Variants in WWC1 observed in about 807,000 individuals in gnomAD.
The protein encoded by WWC1 is WW and C2 domain containing 1, also known as protein KIBRA.
WWC1 carries 55 observed loss-of-function variants against 138.4 expected under a neutral mutation model. The ratio of observed to expected loss-of-function variants is 0.40; its 90% CI spans 0.32 to 0.50. The LOEUF is 0.50. WWC1 is among the 20% of genes least tolerant of loss of function. The pLI, the probability that WWC1 is intolerant of heterozygous loss-of-function variation, is 0.72. For synonymous variants in WWC1, 524 were observed against 564.9 expected (o/e 0.93, Z 1.03); for missense variants, 1,226 against 1,420.4 (o/e 0.86, Z 2.20).
chr5:168,313,272 C>G (rs1476195843), intron 1 of WWC1, among the ~76,000 whole-genome samples: 1 of 152,090 alleles, frequency 6.6e-6, no homozygotes, highest in East Asian at 1.9e-4. Context: ...ACCAGCACGT[C>G]AGCATTGCCT....
At chr5:168,422,921 G>A (rs946134904) in intron 10 of WWC1, among the ~76,000 whole-genome samples, 7 of 152,000 alleles carry the variant, frequency 4.6e-5, no homozygotes, top group African/African-American at 9.7e-5. Context: ...CGACGCAGGC[G>A]GATTGCCTGA....
intron 3 of WWC1, among the ~76,000 whole-genome samples, chr5:168,397,405 A>G (rs1778982779): frequency 2.0e-5 from 3 of 152,186 alleles, no homozygotes. Flanking sequence ...AGCCTCCCAA[A>G]GGGCTGGGAT....
chr5:168,413,079 A>G (rs773967340), intron 8 of WWC1, among the ~76,000 whole-genome samples: 1 of 152,202 alleles, frequency 6.6e-6, no homozygotes, highest in Non-Finnish European at 1.5e-5. Context: ...TTCTGATAAA[A>G]TAAGAATTGG....
chr5:168,384,713 C>CTTTTTTTTTT (rs762052940), intron 2 of WWC1, among the ~76,000 whole-genome samples: 4 of 99,638 alleles, frequency 4.0e-5, no homozygotes, highest in Non-Finnish European at 5.9e-5. Flanking sequence ...CTGGTTTATT[C>CTTTTTTTTTT]TTTTTTTTTT....
intron 1 of WWC1, among the ~76,000 whole-genome samples, chr5:168,354,061 T>C (rs1232872748): frequency 6.6e-6 from 1 of 152,140 alleles, no homozygotes; most frequent in African/African-American, 2.4e-5. Flanking sequence ...TTCTTTCTTT[T>C]TTTTTTTGAG....
intron 1 of WWC1, among the ~76,000 whole-genome samples, chr5:168,334,833 A>ACTGAGCGC (rs1313169084): frequency 6.6e-6 from 1 of 152,228 alleles, no homozygotes; most frequent in African/African-American, 2.4e-5. Context: ...TGAGGATGTG[A>ACTGAGCGC]CTGAGCGCCT....
chr5:168,420,298 C>T (rs1780987150), intron 9 of WWC1, among the ~76,000 whole-genome samples: 1 of 152,304 alleles, frequency 6.6e-6, no homozygotes, highest in East Asian at 1.9e-4. Flanking sequence ...CTTCCCTTGG[C>T]TTGTAGGTGG....
intron 11 of WWC1, among the ~76,000 whole-genome samples, chr5:168,426,389 C>A (rs1781500778): frequency 6.6e-6 from 1 of 152,084 alleles, no homozygotes; most frequent in African/African-American, 2.4e-5. Flanking sequence ...TGTGAAGTGA[C>A]CCCCTCCTCT....
chr5:168,328,912 C>T (rs1291601309), intron 1 of WWC1, among the ~76,000 whole-genome samples: 1 of 152,190 alleles, frequency 6.6e-6, no homozygotes, highest in Non-Finnish European at 1.5e-5. Context: ...CTTGCAAAAG[C>T]ATCTGTTATT....
intron 17 of WWC1, among the ~76,000 whole-genome samples, chr5:168,451,111 CG>C (rs1341416395): frequency 2.6e-5 from 4 of 151,926 alleles, no homozygotes; most frequent in Middle Eastern, 3.4e-3. Flanking sequence ...CTCCACCTCC[CG>C]GATTCAAGCG....
intron 1 of WWC1, among the ~76,000 whole-genome samples, chr5:168,358,981 A>G (rs1180019033): frequency 2.0e-5 from 3 of 151,930 alleles, no homozygotes; most frequent in Non-Finnish European, 2.9e-5. Flanking sequence ...CTAGAATTTC[A>G]TATAAATGGA....
intron 19 of WWC1, among the ~76,000 whole-genome samples, chr5:168,457,083 A>G (rs1354620980): frequency 6.6e-6 from 1 of 151,602 alleles, no homozygotes; most frequent in Admixed American, 6.6e-5. Flanking sequence ...AGCCTGCAAA[A>G]TCACAAATTA....
chr5:168,389,501 C>T (rs994568037), intron 3 of WWC1, among the ~76,000 whole-genome samples: 1 of 149,934 alleles, frequency 6.7e-6, no homozygotes, highest in African/African-American at 2.4e-5. Context: ...TGGGAGGTGG[C>T]AGCTGGACTC....
chr5:168,371,266 C>G (rs1776732044), intron 1 of WWC1, among the ~76,000 whole-genome samples, 158 bp from the exon 2 acceptor site: 1 of 152,158 alleles, frequency 6.6e-6, no homozygotes, highest in South Asian at 2.1e-4. Flanking sequence ...GTTCACCTTC[C>G]CGGGAACAAA....
At chr5:168,397,000 AAG>A (rs938728597) in intron 3 of WWC1, among the ~76,000 whole-genome samples, 3 of 152,152 alleles carry the variant, frequency 2.0e-5, no homozygotes, top group African/African-American at 7.2e-5. Flanking sequence ...TTTTTAAAAA[AAG>A]AAAAGATAAA....
At chr5:168,400,051 A>G (rs772841548) in intron 5 of WWC1, among the ~76,000 whole-genome samples, 1 of 152,204 alleles carries the variant, frequency 6.6e-6, no homozygotes, top group Non-Finnish European at 1.5e-5. Flanking sequence ...GCACAATGCC[A>G]TATGCATTGT....
chr5:168,469,226 GAAACAAAAAAAACCAGCATTA>G lies in WWC1; in HGVS notation c.*213_*233del. 1 of 543,172 alleles carries G rather than the reference GAAACAAAAAAAACCAGCATTA, an allele frequency of 1.8e-6. No homozygotes were observed. Among genetic ancestry groups the G allele is most frequent in the South Asian group, 2.8e-5 (1 of 36,310 alleles). 33.6% of individuals were successfully genotyped at this position (543,172 alleles called of 1,614,324 possible). On this transcript the variant is annotated 3_prime_UTR_variant, in exon 23 of 23. Coordinates refer to ENST00000265293, the MANE Select transcript of WWC1 (RefSeq NM_015238.3). The stretch of plus-strand genomic sequence containing the variant: ...CAAAACACACACACACACAAAAACA[GAAACAAAAAAAACCAGCATTA>G]AAATAATAAGATTGTATAGTTTGTA...
Position 168,292,101 on chromosome 5 carries a change from C to A in WWC1, c.-52C>A, listed in dbSNP as rs1015266393. The A allele has an allele frequency of 4.3e-5, 63 of 1,480,172 alleles. No homozygotes were observed. Among genetic ancestry groups the A allele is most frequent in the Non-Finnish European group, 4.8e-5 (54 of 1,117,158 alleles). The allele number at this position is 1,480,172 out of a possible 1,614,324, so 91.7% of individuals were successfully genotyped here. On this transcript the variant is annotated 5_prime_UTR_variant, in exon 1 of 23. Coordinates refer to ENST00000265293, the MANE Select transcript of WWC1 (RefSeq NM_015238.3). The surrounding 1 kb of genome is among the most constrained non-coding windows in gnomAD (Gnocchi z 4.4). ...AGAGCGGCCGGCTGGAGCCGCTGAG[C>A]CCCCGCTGCGGCCGGGAGCTGCATG... is the stretch of plus-strand genomic sequence containing the variant.
At chr5:168,361,738 C>A (rs1775895929) in intron 1 of WWC1, among the ~76,000 whole-genome samples, 1 of 152,152 alleles carries the variant, frequency 6.6e-6, no homozygotes, top group Admixed American at 6.5e-5. Context: ...TGTTGGGTTT[C>A]TTTTAATTTT....
Sources: gnomAD v4.1 joint callset for allele counts (sites outside exome capture counted in the v4.1 genomes callset) on GRCh38, gnomAD v4.1.1 for gene constraint, Gnocchi (gnomAD v3.1) non-coding constraint, MANE v1.5 for transcripts, NCBI Gene and HGNC (gene_info 2026-07-23, HGNC 2026-07-21) for gene names.